Variants in CD40LG observed in about 807,000 individuals in gnomAD.
CD40LG encodes the protein CD40 antigen ligand.
In CD40LG, 1 loss-of-function variant was observed where a neutral mutation model predicts 17.2. The observed-to-expected ratio is 0.06, with a 90% CI of 0.02 to 0.28. CD40LG has a LOEUF of 0.28. Among genes scored for constraint, CD40LG ranks in the 10% least tolerant of loss-of-function variants. The pLI is 1.00. For missense variants in CD40LG, 133 were observed against 193.2 expected (o/e 0.69, Z 1.85); for synonymous variants, 66 against 74.4 (o/e 0.89, Z 0.58).
Position 136,656,547 on chromosome X carries a change from C to T in CD40LG, c.409+129C>T, listed in dbSNP as rs1307748012. 2 of 559,904 alleles carry T rather than the reference C, an allele frequency of 3.6e-6. 1 individual carries two copies. Among genetic ancestry groups the T allele is most frequent in the African/African-American group, 4.5e-5 (2 of 44,759 alleles). 46.1% of individuals were successfully genotyped at this position (559,904 alleles called of 1,213,427 possible). ...TTTACAAACCTACCCCTACACTTCT[C>T]CTATTCCCTTCTTTGTCTTCAAAGT... On this transcript the variant is annotated intron_variant, in intron 4 of 4. Transcript: ENST00000370629.
At chrX:136,648,653 C>A (rs1451624592) in intron 1 of CD40LG, among the ~76,000 whole-genome samples, 1 of 111,752 alleles carries the variant, frequency 8.9e-6, no homozygotes, top group East Asian at 2.8e-4. Context: ...GGGCAAGTGC[C>A]TCAGTTTCCA....
At chrX:136,650,778 A>G (rs1482875480) in intron 2 of CD40LG, among the ~76,000 whole-genome samples, 1 of 111,393 alleles carries the variant, frequency 9.0e-6, no homozygotes. Flanking sequence ...TTTCCCAGGG[A>G]AGCAATAGCC....
chrX:136,660,107 C>CACACACACATAA lies in CD40LG; in HGVS notation c.*701_*702insTAAACACACACA, dbSNP rs1448347529. ...CTCTCTTCTCAATCCCCCTTTCTAACACACACACACACACACACACACACA... is the reference window on the plus strand; with the variant it reads ...CTCTCTTCTCAATCCCCCTTTCTAACACACACACATAAACACACACACACACACACACACACA... On this transcript the variant is annotated 3_prime_UTR_variant, in exon 5 of 5. Transcript: ENST00000370629. 8.1e-3 allele frequency: 328 copies of CACACACACATAA among 40,581 alleles called. 6 individuals are homozygous for CACACACACATAA. Among genetic ancestry groups the CACACACACATAA allele is most frequent in the African/African-American group, 0.045 (279 of 6,216 alleles). The allele number at this position is 40,581 out of a possible 1,213,427, so 3.3% of individuals were successfully genotyped here.
chrX:136,658,073 G>A (rs1045294724), intron 4 of CD40LG, among the ~76,000 whole-genome samples: 2 of 112,065 alleles, frequency 1.8e-5, no homozygotes, highest in Non-Finnish European at 3.8e-5. Context: ...GTGGTCTGGA[G>A]GGCCCGGATC....
At chrX:136,658,812 C>T (rs780057554) in intron 4 of CD40LG, among the ~76,000 whole-genome samples, 6 of 111,377 alleles carry the variant, frequency 5.4e-5, no homozygotes, top group Non-Finnish European at 1.1e-4. Context: ...ATATGAGCCC[C>T]GTGTTGCAGA....
chrX:136,655,452 G>A (rs905115244), intron 3 of CD40LG, among the ~76,000 whole-genome samples: 1 of 112,407 alleles, frequency 8.9e-6, no homozygotes, highest in African/African-American at 3.2e-5. Context: ...AAGACGGGGT[G>A]TTGTTAGAGA....
rs373085085 is a variant in CD40LG, at chrX:136,651,473, C to T, written c.288+1076C>T. ...GTGCCATTTAATTCATTAGTGAAGA[C>T]TCTAACAGCTTATTCCTGAGTCACC... On this transcript the variant is annotated intron_variant, in intron 2 of 4. Transcript: ENST00000370629. Among the ~76,000 whole-genome samples the T allele has an allele frequency of 6.2e-5, 7 of 112,162 alleles. No individual in the cohort carries two copies. In the East Asian group the frequency reaches 2.0e-3, roughly 31 times the overall value.
intron 1 of CD40LG, 84 bp from the exon 2 acceptor site, chrX:136,650,182 G>A (rs891386611): frequency 3.1e-5 from 21 of 684,771 alleles, no homozygotes; most frequent in African/African-American, 3.0e-4. Context: ...TGTTGATGCC[G>A]TGGAAATGAA....
chrX:136,650,546 C>G, intron 2 of CD40LG, 149 bp downstream of exon 2: 1 of 510,579 alleles, frequency 2.0e-6, no homozygotes, highest in East Asian at 3.7e-5. Context: ...CAGATATACA[C>G]ACATACATGG....
chrX:136,651,533 T>G (rs1204818733), intron 2 of CD40LG, among the ~76,000 whole-genome samples: 1 of 111,947 alleles, frequency 8.9e-6, no homozygotes, highest in East Asian at 2.8e-4. Context: ...ATCCGCTGCT[T>G]GCTTTCAGGT....
chrX:136,658,851 A>G (rs778606541), intron 4 of CD40LG, among the ~76,000 whole-genome samples, 188 bp from the exon 5 acceptor site: 44 of 111,916 alleles, frequency 3.9e-4, no homozygotes, highest in Middle Eastern at 4.6e-3. Context: ...GGAGATTTAG[A>G]GACTTGCCCA....
rs763062085 is a variant in CD40LG, at chrX:136,659,449, C to T, written c.*34C>T. On this transcript the variant is annotated 3_prime_UTR_variant, in exon 5 of 5. Coordinates refer to ENST00000370629, the MANE Select transcript of CD40LG (RefSeq NM_000074.3). The stretch of plus-strand genomic sequence containing the variant: ...ACCTTGCAGGCTGTGGTGGAGCTGA[C>T]GCTGGGAGTCTTCATAATACAGCAC... The T allele has an allele frequency of 3.1e-5, 37 of 1,195,040 alleles. No individual in the cohort carries two copies. The highest frequency in any genetic ancestry group is 1.0e-5 in the Non-Finnish European group (9 of 887,587).
Position 136,650,343 on chromosome X carries a change from C to T in CD40LG, c.234C>T (p.Ser78=). Residue 78 remains serine (S), a synonymous_variant, in exon 2 of 5, where the codon TCC becomes TCT. Coordinates refer to ENST00000370629, the MANE Select transcript of CD40LG (RefSeq NM_000074.3). ...AGAGATGCAACACAGGAGAAAGATC[C>T]TTATCCTTACTGAACTGTGAGGAGA... is the stretch of plus-strand genomic sequence containing the variant. ...TIQRCNTGER[S]LSLLNCEEIK... 2.5e-6 allele frequency: 3 copies of T among 1,200,524 alleles called. No homozygotes were observed. Among genetic ancestry groups the T allele is most frequent in the Non-Finnish European group, 3.4e-6 (3 of 885,752 alleles).
chrX:136,658,288 G>A (rs564264775), intron 4 of CD40LG, among the ~76,000 whole-genome samples: 3 of 111,754 alleles, frequency 2.7e-5, no homozygotes, highest in Admixed American at 1.9e-4. Context: ...ATTTCAAGTC[G>A]GGTGCACACA....
intron 3 of CD40LG, 52 bp downstream of exon 3, chrX:136,654,482 C>A: frequency 2.2e-6 from 2 of 919,273 alleles, no homozygotes; most frequent in South Asian, 2.0e-5. Flanking sequence ...TAAAAGGAAG[C>A]TTTAGGCTGA....
At chrX:136,651,836 G>A (rs1291725838) in intron 2 of CD40LG, among the ~76,000 whole-genome samples, 1 of 111,668 alleles carries the variant, frequency 9.0e-6, no homozygotes, top group East Asian at 2.8e-4. Context: ...ATCTGTAAGG[G>A]CACTATCAGC....
chrX:136,659,744 G>A lies in CD40LG; in HGVS notation c.*329G>A. ...AACAGCAGATAACTTGCCAAGTTCA[G>A]TTTTGTTTCTTTGCGTGCAGTGTCT... On this transcript the variant is annotated 3_prime_UTR_variant, in exon 5 of 5. Coordinates refer to ENST00000370629, the MANE Select transcript of CD40LG (RefSeq NM_000074.3). The A allele has an allele frequency of 3.8e-6, 1 of 260,441 alleles. No homozygotes were observed. Among genetic ancestry groups the A allele is most frequent in the African/African-American group, 2.7e-5 (1 of 36,422 alleles). The allele number at this position is 260,441 out of a possible 1,213,427, so 21.5% of individuals were successfully genotyped here. A position where few individuals can be genotyped will look rare whatever the true frequency, so the allele number is the denominator to read the frequency against.
chrX:136,653,682 C>T (rs1338691746), intron 2 of CD40LG, among the ~76,000 whole-genome samples: 1 of 112,414 alleles, frequency 8.9e-6, no homozygotes, highest in African/African-American at 3.2e-5. Context: ...TCTTTAAATA[C>T]CTCTAGACTT....
intron 2 of CD40LG, 131 bp downstream of exon 2, chrX:136,650,528 T>A (rs759389647): frequency 1.8e-5 from 10 of 567,486 alleles, no homozygotes; most frequent in Non-Finnish European, 2.4e-5. Context: ...CACACATATA[T>A]ATGCATGCAG....
Sources: gnomAD v4.1 joint callset for allele counts (sites outside exome capture counted in the v4.1 genomes callset) on GRCh38, gnomAD v4.1.1 for gene constraint, MANE v1.5 for transcripts, NCBI Gene and HGNC (gene_info 2026-07-23, HGNC 2026-07-21) for gene names.